CAPSL: variants seen among roughly 807,000 people sequenced by gnomAD.
CAPSL encodes calcyphosin-like protein.
Under a neutral mutation model 21.3 loss-of-function variants are expected in CAPSL, and 17 were observed. The ratio of observed to expected loss-of-function variants is 0.80; its 90% CI spans 0.55 to 1.20. The LOEUF is 1.20. Among genes scored for constraint, CAPSL ranks in the 50% most tolerant of loss-of-function variants. The probability of loss-of-function intolerance (pLI) is 0.00; values close to 1 mark genes in which losing one functional copy is unlikely to be tolerated. For missense variants in CAPSL, 289 were observed against 259.3 expected (o/e 1.11, Z -0.79); for synonymous variants, 102 against 89.3 (o/e 1.14, Z -0.80).
chr5:35,919,084 A>T (rs2149924150), intron 2 of CAPSL, among the ~76,000 whole-genome samples: 1 of 149,518 alleles, frequency 6.7e-6, no homozygotes, highest in South Asian at 2.1e-4. Context: ...AAAAAAAATG[A>T]CTTTTGTTTT....
At chr5:35,924,587 C>A (rs1392066123) in intron 1 of CAPSL, among the ~76,000 whole-genome samples, 1 of 152,148 alleles carries the variant, frequency 6.6e-6, no homozygotes, top group Non-Finnish European at 1.5e-5. Context: ...CTCCTGCTAG[C>A]CTACCGTGAA....
At chr5:35,936,037 A>T (rs1738937761) in intron 1 of CAPSL, among the ~76,000 whole-genome samples, 1 of 152,118 alleles carries the variant, frequency 6.6e-6, no homozygotes, top group Admixed American at 6.5e-5. Flanking sequence ...CTCAACTTTT[A>T]TATGATGTTG....
chr5:35,909,516 G>A (rs1295891585), intron 4 of CAPSL, among the ~76,000 whole-genome samples: 1 of 152,180 alleles, frequency 6.6e-6, no homozygotes, highest in Non-Finnish European at 1.5e-5. Context: ...GTTCACTGGA[G>A]TGCAACTAGC....
chr5:35,924,051 A>G (rs146783940), intron 1 of CAPSL, among the ~76,000 whole-genome samples: 1 of 152,334 alleles, frequency 6.6e-6, no homozygotes, highest in African/African-American at 2.4e-5. Context: ...CTGGGCACGT[A>G]GTCATCCTGG....
chr5:35,925,081 G>A (rs1364844105), intron 1 of CAPSL, among the ~76,000 whole-genome samples: 1 of 152,246 alleles, frequency 6.6e-6, no homozygotes, highest in Non-Finnish European at 1.5e-5. Context: ...TGGCCGCAGC[G>A]CCACCACGTG....
At chr5:35,931,139 C>T (rs545675805) in intron 1 of CAPSL, among the ~76,000 whole-genome samples, 1 of 152,290 alleles carries the variant, frequency 6.6e-6, no homozygotes, top group East Asian at 1.9e-4. Flanking sequence ...GGTCTTCAGT[C>T]ACTTGCTGTC....
intron 1 of CAPSL, among the ~76,000 whole-genome samples, chr5:35,930,308 A>G (rs1295993893): frequency 6.6e-6 from 1 of 151,918 alleles, no homozygotes; most frequent in Non-Finnish European, 1.5e-5. Context: ...CATAGTCTTT[A>G]CTTCTTTCTA....
rs556735232 is a variant in CAPSL at position 35,910,014 on chromosome 5, G to A, written c.377C>T (p.Thr126Ile). 7 of 1,613,516 alleles carry A rather than the reference G, an allele frequency of 4.3e-6. No homozygotes were observed. The African/African-American group carries it at 9.3e-5, about 22-fold the overall frequency. The change falls in exon 4 of 5, where the codon ACT becomes ATT. Residue 126 changes from threonine (T) to isoleucine (I), a missense_variant. Physicochemically the swap from Thr to Ile is moderately conservative, Grantham distance 89. Transcript: ENST00000651391. The part of the protein sequence containing the change: ...IMQAFRKLDK[T>I]GDGVITIEDL... ...TTCGATTGTTATAACACCATCTCCA[G>A]TCTTGTCTAACTTTCTAAAAGCTTG...
intron 1 of CAPSL, 122 bp from the exon 2 acceptor site, chr5:35,921,242 G>T: frequency 8.0e-7 from 1 of 1,257,590 alleles, no homozygotes. Flanking sequence ...AAACCTCTCA[G>T]AATTTCCAAT....
chr5:35,911,813 G>A (rs1446651116), intron 2 of CAPSL, among the ~76,000 whole-genome samples: 4 of 152,196 alleles, frequency 2.6e-5, no homozygotes, highest in Non-Finnish European at 4.4e-5. Context: ...CAGAAGACAG[G>A]TGATTTCTGC....
At chr5:35,919,567 C>A (rs116776788) in intron 2 of CAPSL, among the ~76,000 whole-genome samples, 5,935 of 152,062 alleles carry the variant, frequency 0.039, 159 homozygotes, top group Middle Eastern at 0.065. Flanking sequence ...CAGAGCCTAA[C>A]CTGAAGAGAT....
rs375288808 is a variant in CAPSL at position 35,909,713 on chromosome 5, G to A, written c.525+153C>T. 8.9e-6 allele frequency: 6 copies of A among 670,646 alleles called. No individual in the cohort carries two copies. The African/African-American group carries it at 1.1e-4, about 12-fold the overall frequency. 41.5% of individuals were successfully genotyped at this position (670,646 alleles called of 1,614,324 possible). On this transcript the variant is annotated intron_variant, in intron 4 of 4. Coordinates refer to ENST00000651391, the MANE Select transcript of CAPSL (RefSeq NM_001042625.2). Reference sequence around the variant, plus strand: ...AACATGAAGGTTTCCCCTGGCAATGGAGAAGTTTCTAGATTGTTCCTAGGG... The same window carrying A: ...AACATGAAGGTTTCCCCTGGCAATGAAGAAGTTTCTAGATTGTTCCTAGGG...
intron 1 of CAPSL, among the ~76,000 whole-genome samples, chr5:35,932,008 C>T (rs1197865591): frequency 6.6e-6 from 1 of 152,176 alleles, no homozygotes; most frequent in African/African-American, 2.4e-5. Context: ...CACTTAGTAA[C>T]TATCTTGCAG....
intron 1 of CAPSL, among the ~76,000 whole-genome samples, chr5:35,932,482 G>T (rs1738847210): frequency 6.6e-6 from 1 of 152,086 alleles, no homozygotes; most frequent in Non-Finnish European, 1.5e-5. Context: ...TTTCTGAAGT[G>T]GTTCCCAGAA....
rs752373277 is a variant in CAPSL, at chr5:35,909,868, A to G, written c.523T>C (p.Leu175=). ...CTAGATTAGGCTCTTTTACTTACCA[A>G]TCCATCTTTGTCATAGGGTGAATCA... is the stretch of plus-strand genomic sequence containing the variant. ...NFDSPYDKDG[L]VTPEEFMNYY... Residue 175 remains leucine (L), a splice_region_variant and synonymous_variant, in exon 4 of 5, where the codon TTG becomes CTG. Transcript: ENST00000651391. 4 of 1,607,828 alleles carry G rather than the reference A, an allele frequency of 2.5e-6. No individual in the cohort carries two copies. The highest frequency in any genetic ancestry group is 4.5e-5 in the East Asian group (2 of 44,846).
In CAPSL at chr5:35,931,662, C is replaced by T. The variant is rs1561444809; in HGVS notation, c.-1+6879G>A. Among the ~76,000 whole-genome samples, 7 of 152,126 alleles carry T rather than the reference C, an allele frequency of 4.6e-5. No homozygotes were observed. In the South Asian group the frequency reaches 1.2e-3, roughly 27 times the overall value. ...GTATTCTGAGTTAGGTCAACCTGCT[C>T]GATGCAACATCTTAAAGAAACAGAG... is the stretch of plus-strand genomic sequence containing the variant. On this transcript the variant is annotated intron_variant, in intron 1 of 4. Coordinates refer to ENST00000651391, the MANE Select transcript of CAPSL (RefSeq NM_001042625.2).
intron 1 of CAPSL, among the ~76,000 whole-genome samples, chr5:35,937,745 C>T (rs1423781372): frequency 1.3e-5 from 2 of 150,038 alleles, no homozygotes; most frequent in African/African-American, 4.9e-5. Context: ...AATATAAATA[C>T]AAATGTATGC....
chr5:35,925,633 C>T (rs889451772), intron 1 of CAPSL, among the ~76,000 whole-genome samples: 3 of 151,884 alleles, frequency 2.0e-5, no homozygotes, highest in Non-Finnish European at 4.4e-5. Context: ...TGGATTTTCT[C>T]CTGAGAGCAA....
chr5:35,924,963 C>G (rs1738633895), intron 1 of CAPSL, among the ~76,000 whole-genome samples: 2 of 152,204 alleles, frequency 1.3e-5, no homozygotes, highest in Admixed American at 6.5e-5. Flanking sequence ...TAGCAGTGCA[C>G]AAAGTGTCTC....
Sources: gnomAD v4.1 joint callset for allele counts (sites outside exome capture counted in the v4.1 genomes callset) on GRCh38, gnomAD v4.1.1 for gene constraint, MANE v1.5 for transcripts, NCBI Gene and HGNC (gene_info 2026-07-23, HGNC 2026-07-21) for gene names.